The following LRP1B variants were observed in gnomAD, a reference collection of about 807,000 sequenced individuals.
LRP1B encodes the protein LDL receptor related protein 1B, also known as low-density lipoprotein receptor-related protein 1B.
LRP1B carries 217 observed loss-of-function variants against 556.6 expected under a neutral mutation model. The ratio of observed to expected loss-of-function variants is 0.39; its 90% confidence interval spans 0.35 to 0.44. The LOEUF is 0.44. Ranked by LOEUF, LRP1B falls within the 20% of genes least tolerant of loss-of-function variation. The pLI is 1.00. For missense variants in LRP1B, 5,053 were observed against 5,620.8 expected (o/e 0.90, Z 3.23); for synonymous variants, 2,047 against 1,865.8 (o/e 1.10, Z -2.50).
chr2:140,421,811 A>G (rs1685457721), intron 66 of LRP1B, among the ~76,000 whole-genome samples: 1 of 152,208 alleles, frequency 6.6e-6, no homozygotes, highest in South Asian at 2.1e-4. Flanking sequence ...CCCAATTATT[A>G]AAGGTTCAAA....
At chr2:141,812,950 T>G (rs1001993865) in intron 1 of LRP1B, among the ~76,000 whole-genome samples, 1 of 151,784 alleles carries the variant, frequency 6.6e-6, no homozygotes, top group Admixed American at 6.6e-5. Flanking sequence ...AAAAAAAGAC[T>G]GGGTTCATGT....
intron 3 of LRP1B, among the ~76,000 whole-genome samples, chr2:141,401,562 G>A (rs891065450): frequency 6.6e-6 from 1 of 152,082 alleles, no homozygotes; most frequent in Non-Finnish European, 1.5e-5. Flanking sequence ...ATTTGCTTCT[G>A]CTAGCAATGC....
At chr2:140,937,903 T>C (rs1220308136) in intron 20 of LRP1B, among the ~76,000 whole-genome samples, 1 of 150,642 alleles carries the variant, frequency 6.6e-6, no homozygotes, top group Non-Finnish European at 1.5e-5. Flanking sequence ...CAACCTCCGT[T>C]GGTAGGACAT....
At position 140,537,181 on chromosome 2, in the gene LRP1B, T is replaced by TAA. The variant is rs398071395; in HGVS notation, c.7514-473_7514-472insTT. Reference sequence around the variant, plus strand: ...GTGAGACTCTGTATCAAAATAATAATTATTATTATATATAAGAATATATAA... The same window carrying TAA: ...GTGAGACTCTGTATCAAAATAATAATAATATTATTATATATAAGAATATATAA... On this transcript the variant is annotated intron_variant, in intron 45 of 90. Coordinates refer to ENST00000389484, the MANE Select transcript of LRP1B (RefSeq NM_018557.3). 3.9e-3 allele frequency among the ~76,000 whole-genome samples: 556 copies of TAA among 141,522 alleles called. 4 individuals are homozygous for TAA. The highest frequency in any genetic ancestry group is 0.013 in the African/African-American group (518 of 38,702). The allele number at this position is 141,522 out of a possible 152,430, so 92.8% of individuals were successfully genotyped here.
intron 43 of LRP1B, among the ~76,000 whole-genome samples, chr2:140,567,223 C>T (rs1681159793): frequency 6.6e-6 from 1 of 152,062 alleles, no homozygotes; most frequent in African/African-American, 2.4e-5. Context: ...TGCCCCTTGC[C>T]CCCAGGGTCC....
rs2105353145 is a variant in LRP1B at position 140,989,670 on chromosome 2, G to C, written c.2645-13C>G. On this transcript the variant is annotated splice_polypyrimidine_tract_variant and intron_variant, in intron 16 of 90. Transcript: ENST00000389484. ...CAGCTATGATTGACTGGGAGGGAGG[G>C]GGAAGCAAGATTAATTATTTAAAAT... 6.2e-7 allele frequency: 1 copy of C among 1,611,134 alleles called. No individual in the cohort carries two copies. The highest frequency in any genetic ancestry group is 8.5e-7 in the Non-Finnish European group (1 of 1,178,342).
intron 41 of LRP1B, among the ~76,000 whole-genome samples, chr2:140,619,103 AC>A (rs1559009818): frequency 9.9e-5 from 15 of 150,932 alleles, no homozygotes; most frequent in African/African-American, 3.4e-4. Flanking sequence ...ACACACACAC[AC>A]ACACACACAC....
chr2:141,574,123 C>T (rs1686641535), intron 2 of LRP1B, among the ~76,000 whole-genome samples: 1 of 152,090 alleles, frequency 6.6e-6, no homozygotes, highest in African/African-American at 2.4e-5. Context: ...GATACCAAAA[C>T]CAGGAAGAGA....
At chr2:141,474,057 C>CT (rs1172444791) in intron 3 of LRP1B, among the ~76,000 whole-genome samples, 3,877 of 54,588 alleles carry the variant, frequency 0.071, 326 homozygotes, top group African/African-American at 0.18. Flanking sequence ...TCCTTCCTTC[C>CT]TCCCTCCCTC....
chr2:141,267,875 C>T (rs191482996), intron 3 of LRP1B, among the ~76,000 whole-genome samples: 53 of 152,148 alleles, frequency 3.5e-4, no homozygotes, highest in East Asian at 1.2e-3. Context: ...GTTGGGTTAG[C>T]GGAGGTTTGG....
At chr2:140,980,834 A>AC (rs1455919139) in intron 18 of LRP1B, among the ~76,000 whole-genome samples, 1 of 152,248 alleles carries the variant, frequency 6.6e-6, no homozygotes, top group Non-Finnish European at 1.5e-5. Context: ...AAGATACTGA[A>AC]CCAACCTTAG....
At chr2:141,290,168 C>A (rs1394501312) in intron 3 of LRP1B, among the ~76,000 whole-genome samples, 3 of 152,094 alleles carry the variant, frequency 2.0e-5, no homozygotes, top group Non-Finnish European at 4.4e-5. Flanking sequence ...TATTTAAACA[C>A]CCTTTTATGG....
chr2:141,066,432 G>A (rs1432634060), intron 7 of LRP1B, among the ~76,000 whole-genome samples: 3 of 151,976 alleles, frequency 2.0e-5, no homozygotes, highest in Admixed American at 2.0e-4. Context: ...CATGGACAGT[G>A]ACAGAGCACT....
At chr2:141,933,746 C>T (rs1382332453) in intron 1 of LRP1B, among the ~76,000 whole-genome samples, 3 of 152,134 alleles carry the variant, frequency 2.0e-5, no homozygotes, top group Admixed American at 6.5e-5. Flanking sequence ...AAAACTCAAG[C>T]TAACAATTTA....
intron 2 of LRP1B, among the ~76,000 whole-genome samples, chr2:141,684,594 A>G (rs1691226192): frequency 6.6e-6 from 1 of 151,984 alleles, no homozygotes; most frequent in East Asian, 1.9e-4. Flanking sequence ...CCCAGAACTT[A>G]AAGTAAAAAA....
intron 1 of LRP1B, among the ~76,000 whole-genome samples, chr2:141,819,050 C>T (rs1195405576): frequency 6.6e-6 from 1 of 151,234 alleles, no homozygotes; most frequent in Non-Finnish European, 1.5e-5. Context: ...ACCAGCCTGA[C>T]CAACATGGTG....
chr2:141,725,944 T>C (rs964766705), intron 2 of LRP1B, among the ~76,000 whole-genome samples: 6 of 151,810 alleles, frequency 4.0e-5, no homozygotes, highest in African/African-American at 1.4e-4. Flanking sequence ...ATATGTAAAA[T>C]AAGGTATTTG....
intron 78 of LRP1B, among the ~76,000 whole-genome samples, 172 bp downstream of exon 78, chr2:140,335,443 A>T (rs1026081309): frequency 6.6e-6 from 1 of 152,016 alleles, no homozygotes; most frequent in Non-Finnish European, 1.5e-5. Flanking sequence ...TTGTATCATC[A>T]TTTGGTATGA....
rs544300584 is a variant in LRP1B at position 140,593,402 on chromosome 2, A to G, written c.7194+5229T>C. Reference sequence around the variant, plus strand: ...AATCATGCTGTCTTAGCCCCTGTCAACATGATTTATTGTTTCAGCTACTGG... The same window carrying G: ...AATCATGCTGTCTTAGCCCCTGTCAGCATGATTTATTGTTTCAGCTACTGG... On this transcript the variant is annotated intron_variant, in intron 43 of 90. Transcript: ENST00000389484. Among the ~76,000 whole-genome samples, 4 of 152,300 alleles carry G rather than the reference A, an allele frequency of 2.6e-5. No individual in the cohort carries two copies. The South Asian group carries it at 6.2e-4, about 24-fold the overall frequency.
Sources: allele counts gnomAD v4.1 joint callset (sites outside exome capture counted in the v4.1 genomes callset), GRCh38; gene constraint gnomAD v4.1.1; transcripts MANE v1.5; gene names NCBI Gene and HGNC (gene_info 2026-07-23, HGNC 2026-07-21).